CNTNAP2: variants seen among roughly 807,000 people sequenced by gnomAD.
CNTNAP2 encodes contactin associated protein 2, also known as contactin-associated protein-like 2.
A neutral mutation model predicts 155.2 loss-of-function variants in CNTNAP2; 98 were observed. The ratio of observed to expected loss-of-function variants is 0.63; its 90% confidence interval spans 0.54 to 0.75. The LOEUF (loss-of-function observed/expected upper bound fraction) is 0.75, where lower values mean the gene tolerates loss of function less well. CNTNAP2 is among the 30% of genes least tolerant of loss of function. The pLI is 0.00. For missense variants in CNTNAP2, 1,727 were observed against 1,688.1 expected, an observed-to-expected ratio of 1.02 and a Z score of -0.40; for synonymous variants, 651 against 631.2, an observed-to-expected ratio of 1.03 and a Z score of -0.47.
chr7:146,414,064 T>A (rs1033261129), intron 1 of CNTNAP2, among the ~76,000 whole-genome samples: 5 of 152,198 alleles, frequency 3.3e-5, no homozygotes, highest in African/African-American at 1.2e-4. Flanking sequence ...CCATAAAACT[T>A]GCCTGTCTTA....
At chr7:146,925,758 T>C (rs1050034092) in intron 3 of CNTNAP2, among the ~76,000 whole-genome samples, 1 of 152,160 alleles carries the variant, frequency 6.6e-6, no homozygotes, top group Non-Finnish European at 1.5e-5. Context: ...TGACAACACC[T>C]TGAATGTTTA....
intron 8 of CNTNAP2, among the ~76,000 whole-genome samples, chr7:147,201,445 G>A (rs1802919319): frequency 1.3e-5 from 2 of 152,004 alleles, no homozygotes; most frequent in Non-Finnish European, 2.9e-5. Flanking sequence ...TAACTCTCAT[G>A]CTCAGTTTAT....
At chr7:147,634,682 C>T (rs539946669) in intron 12 of CNTNAP2, among the ~76,000 whole-genome samples, 44 of 152,268 alleles carry the variant, frequency 2.9e-4, no homozygotes, top group African/African-American at 1.0e-3. Context: ...AAAATAGATA[C>T]ATACGTGCAT....
chr7:146,622,194 TATATATACAC>T (rs1799333038), intron 1 of CNTNAP2, among the ~76,000 whole-genome samples: 2 of 147,296 alleles, frequency 1.4e-5, no homozygotes, highest in African/African-American at 5.2e-5. Context: ...CATATATACA[TATATATACAC>T]ACATATACAC....
At chr7:148,081,903 G>A (rs866961482) in intron 15 of CNTNAP2, among the ~76,000 whole-genome samples, 4 of 152,172 alleles carry the variant, frequency 2.6e-5, no homozygotes, top group African/African-American at 7.2e-5. Flanking sequence ...ATGGAAAGGC[G>A]AGTAACCAGA....
chr7:146,160,559 G>A (rs962847924), intron 1 of CNTNAP2, among the ~76,000 whole-genome samples: 25 of 152,138 alleles, frequency 1.6e-4, no homozygotes, highest in African/African-American at 5.8e-4. Context: ...TATGATCAGA[G>A]AATACTACAA....
chr7:146,733,590 A>C (rs138615433), intron 1 of CNTNAP2, among the ~76,000 whole-genome samples: 28 of 152,250 alleles, frequency 1.8e-4, no homozygotes, highest in African/African-American at 6.7e-4. Flanking sequence ...ACATTTACTT[A>C]GTTTGACTAC....
At chr7:147,273,592 T>C (rs573473603) in intron 8 of CNTNAP2, among the ~76,000 whole-genome samples, 10 of 152,100 alleles carry the variant, frequency 6.6e-5, no homozygotes, top group African/African-American at 1.9e-4. Flanking sequence ...CTCTCACTTA[T>C]AAGTAAGAAC....
intron 8 of CNTNAP2, among the ~76,000 whole-genome samples, chr7:147,216,732 T>C (rs1803278389): frequency 6.6e-6 from 1 of 152,012 alleles, no homozygotes; most frequent in Admixed American, 6.6e-5. Flanking sequence ...TGCTGGGGTT[T>C]TGTTTGGGAT....
At chr7:146,805,375 C>G (rs1050644731) in intron 2 of CNTNAP2, among the ~76,000 whole-genome samples, 1 of 152,142 alleles carries the variant, frequency 6.6e-6, no homozygotes, top group East Asian at 1.9e-4. Flanking sequence ...TGAATTGTGA[C>G]TCATCACTTG....
chr7:146,158,411 A>G (rs968395490), intron 1 of CNTNAP2, among the ~76,000 whole-genome samples: 8 of 152,226 alleles, frequency 5.3e-5, no homozygotes, highest in African/African-American at 1.9e-4. Context: ...TTAGAGAAGA[A>G]CGCTTCAGAG....
At chr7:147,148,810 T>G (rs939621679) in intron 8 of CNTNAP2, among the ~76,000 whole-genome samples, 1 of 151,994 alleles carries the variant, frequency 6.6e-6, no homozygotes, top group Non-Finnish European at 1.5e-5. Flanking sequence ...GCCGCAAACC[T>G]TTGCAGTGAG....
intron 9 of CNTNAP2, among the ~76,000 whole-genome samples, chr7:147,349,509 C>T (rs1206919045): frequency 2.6e-5 from 4 of 151,754 alleles, no homozygotes; most frequent in African/African-American, 9.7e-5. Context: ...TTTTATGACA[C>T]TTGGATTCCA....
intron 18 of CNTNAP2, among the ~76,000 whole-genome samples, chr7:148,216,644 T>C (rs1218073920): frequency 1.3e-5 from 2 of 152,226 alleles, no homozygotes; most frequent in Non-Finnish European, 2.9e-5. Context: ...ATGTGAATTT[T>C]TTTCTTGGTA....
chr7:146,618,285 C>T (rs1325768068), intron 1 of CNTNAP2, among the ~76,000 whole-genome samples: 3 of 152,078 alleles, frequency 2.0e-5, no homozygotes, highest in South Asian at 4.1e-4. Context: ...AGTAAAATTA[C>T]AAAATTATTG....
chr7:148,029,291 C>T (rs1279194141), intron 15 of CNTNAP2, among the ~76,000 whole-genome samples: 2 of 152,166 alleles, frequency 1.3e-5, no homozygotes, highest in Non-Finnish European at 2.9e-5. Context: ...GCTAGAAAAG[C>T]AGCTATAATA....
chr7:147,113,036 G>T (rs1474520507), intron 5 of CNTNAP2, among the ~76,000 whole-genome samples: 2 of 151,960 alleles, frequency 1.3e-5, no homozygotes, highest in Non-Finnish European at 2.9e-5. Flanking sequence ...CTGGTTGGTA[G>T]GCTATTTATT....
chr7:147,019,242 A>G (rs1024323644), intron 3 of CNTNAP2, among the ~76,000 whole-genome samples: 1 of 152,038 alleles, frequency 6.6e-6, no homozygotes, highest in Non-Finnish European at 1.5e-5. Context: ...AGTGTCAAAC[A>G]GCATTTCTAC....
At chr7:146,273,902 T>C (rs1375407309) in intron 1 of CNTNAP2, among the ~76,000 whole-genome samples, 1 of 152,116 alleles carries the variant, frequency 6.6e-6, no homozygotes, top group African/African-American at 2.4e-5. Flanking sequence ...ATAAAAATGG[T>C]ATATTATTCA....
Sources: allele counts gnomAD v4.1 joint callset (sites outside exome capture counted in the v4.1 genomes callset), GRCh38; gene constraint gnomAD v4.1.1; transcripts MANE v1.5; gene names NCBI Gene and HGNC (gene_info 2026-07-23, HGNC 2026-07-21).